Variants in RNLS observed in about 807,000 individuals in gnomAD.
The protein encoded by RNLS is renalase, FAD dependent amine oxidase.
Under a neutral mutation model 39.8 loss-of-function variants are expected in RNLS, and 39 were observed. That is an observed-to-expected ratio of 0.98 (90% CI 0.76 to 1.28). The LOEUF is 1.28. RNLS is among the 50% of genes most tolerant of loss of function. The pLI is 0.00. For synonymous variants in RNLS, 147 were observed against 150.7 expected (o/e 0.98, Z 0.18); for missense variants, 410 against 413.3 (o/e 0.99, Z 0.07).
At chr10:88,427,151 C>T (rs1266253160) in intron 4 of RNLS, among the ~76,000 whole-genome samples, 1 of 151,992 alleles carries the variant, frequency 6.6e-6, no homozygotes, top group East Asian at 1.9e-4. Context: ...TATCACAATT[C>T]ACACAGTTAG....
At chr10:88,448,575 T>TG (rs1842180109) in intron 4 of RNLS, among the ~76,000 whole-genome samples, 1 of 152,228 alleles carries the variant, frequency 6.6e-6, no homozygotes, top group Admixed American at 6.5e-5. Flanking sequence ...GTTCAACCAT[T>TG]GTGGAAGACA....
chr10:88,290,594 TAATAG>T (rs2132876895), intron 6 of RNLS, among the ~76,000 whole-genome samples: 1 of 152,326 alleles, frequency 6.6e-6, no homozygotes, highest in East Asian at 1.9e-4. Flanking sequence ...ATTTTATACT[TAATAG>T]AAAAGTTCTT....
intron 4 of RNLS, among the ~76,000 whole-genome samples, chr10:88,441,399 C>T (rs1218755019): frequency 3.3e-5 from 5 of 152,160 alleles, no homozygotes; most frequent in Non-Finnish European, 5.9e-5. Context: ...GAGAGGAACA[C>T]ATTATTGTGC....
At chr10:88,563,381 T>C (rs1849301355) in intron 4 of RNLS, among the ~76,000 whole-genome samples, 1 of 152,166 alleles carries the variant, frequency 6.6e-6, no homozygotes, top group South Asian at 2.1e-4. Context: ...TGTTATACTG[T>C]AAATCTCCTA....
Position 88,285,094 on chromosome 10 carries a change from A to T in RNLS, c.*260T>A. ...GAGAGTCGTTTGTTATTTTTTAAGT[A>T]CCACTTTTCCTCCAACAAGGAGTAG... On this transcript the variant is annotated 3_prime_UTR_variant, in exon 7 of 7. Transcript: ENST00000331772. 5 of 998,256 alleles carry T rather than the reference A, an allele frequency of 5.0e-6. No homozygotes were observed. The highest frequency in any genetic ancestry group is 4.8e-6 in the Non-Finnish European group (4 of 836,840). The allele number at this position is 998,256 out of a possible 1,614,324, so 61.8% of individuals were successfully genotyped here. A position where few individuals can be genotyped will look rare whatever the true frequency, so the allele number is the denominator to read the frequency against.
intron 5 of RNLS, among the ~76,000 whole-genome samples, chr10:88,326,172 T>C (rs1331424778): frequency 6.6e-6 from 1 of 152,168 alleles, no homozygotes; most frequent in Non-Finnish European, 1.5e-5. Flanking sequence ...GATACAAAAA[T>C]ACCTGAAAAT....
chr10:88,228,853 T>C, the RNLS span, among the ~76,000 whole-genome samples: 1 of 152,222 alleles, frequency 6.6e-6, no homozygotes, highest in African/African-American at 2.4e-5. Flanking sequence ...TCCCTCATCC[T>C]TTTATACAGA....
intron 4 of RNLS, among the ~76,000 whole-genome samples, chr10:88,475,783 A>G (rs1843789060): frequency 6.6e-6 from 1 of 152,200 alleles, no homozygotes; most frequent in Non-Finnish European, 1.5e-5. Context: ...AAGAAAATAC[A>G]AAATCCATGA....
In RNLS at chr10:88,498,546, T is replaced by A. The variant is rs116412431; in HGVS notation, c.526+74357A>T. Among the ~76,000 whole-genome samples the A allele has an allele frequency of 3.8e-3, 565 of 148,470 alleles. 5 individuals carry two copies. Among genetic ancestry groups the A allele is most frequent in the African/African-American group, 0.013 (538 of 40,048 alleles). On this transcript the variant is annotated intron_variant, in intron 4 of 6. Transcript: ENST00000331772. ...TGGTGAAATTTGAATAAGGTCTGCA[T>A]ACTAGATAATAATATTGTAATTATG...
At chr10:88,188,350 C>G in the RNLS span, among the ~76,000 whole-genome samples, 1 of 152,246 alleles carries the variant, frequency 6.6e-6, no homozygotes. Context: ...AGCCACCACA[C>G]CTGACCTCAG....
chr10:88,577,251 C>T (rs1205434695), intron 3 of RNLS, among the ~76,000 whole-genome samples: 2 of 152,012 alleles, frequency 1.3e-5, no homozygotes, highest in Admixed American at 6.5e-5. Flanking sequence ...CACGTAGCAC[C>T]AGGTGGGATG....
intron 5 of RNLS, chr10:88,343,404 G>A (rs1009099882): frequency 7.5e-6 from 3 of 399,948 alleles, no homozygotes; most frequent in African/African-American, 6.5e-5. Context: ...CTAGGAGATT[G>A]GTGGCTCCAT....
At chr10:88,500,652 A>T (rs1449040474) in intron 4 of RNLS, among the ~76,000 whole-genome samples, 1 of 152,180 alleles carries the variant, frequency 6.6e-6, no homozygotes, top group Non-Finnish European at 1.5e-5. Flanking sequence ...TATTGGGTTG[A>T]TGCAAAAGTA....
chr10:88,455,500 G>A (rs183376898), intron 4 of RNLS, among the ~76,000 whole-genome samples: 40 of 152,098 alleles, frequency 2.6e-4, no homozygotes, highest in East Asian at 2.5e-3. Flanking sequence ...TCCACCTCCC[G>A]GGTTCACGCC....
At chr10:88,424,086 G>T (rs1259735909) in intron 4 of RNLS, among the ~76,000 whole-genome samples, 1 of 152,092 alleles carries the variant, frequency 6.6e-6, no homozygotes, top group African/African-American at 2.4e-5. Flanking sequence ...TCATGGCTTT[G>T]ATTACCACAT....
intron 5 of RNLS, among the ~76,000 whole-genome samples, chr10:88,318,217 AT>A (rs1340826719): frequency 1.3e-5 from 2 of 152,296 alleles, no homozygotes; most frequent in Non-Finnish European, 2.9e-5. Context: ...TCTGGCAAAC[AT>A]GGGGCTGTTG....
chr10:88,421,538 C>T (rs1346229261), intron 4 of RNLS, among the ~76,000 whole-genome samples: 1 of 152,168 alleles, frequency 6.6e-6, no homozygotes, highest in Non-Finnish European at 1.5e-5. Flanking sequence ...TGTGTGCTGT[C>T]TACAAGTCTG....
intron 5 of RNLS, among the ~76,000 whole-genome samples, chr10:88,326,994 A>G (rs1846666177): frequency 6.6e-6 from 1 of 152,088 alleles, no homozygotes; most frequent in African/African-American, 2.4e-5. Flanking sequence ...TAACCCCTTT[A>G]TTTTGGCCAA....
the RNLS span, among the ~76,000 whole-genome samples, chr10:88,224,727 A>T: frequency 8.5e-5 from 13 of 152,170 alleles, no homozygotes; most frequent in African/African-American, 3.1e-4. Flanking sequence ...GTTAATAGGG[A>T]TCTCTTTATT....
Sources: gnomAD v4.1 joint callset for allele counts (sites outside exome capture counted in the v4.1 genomes callset) on GRCh38, gnomAD v4.1.1 for gene constraint, MANE v1.5 for transcripts, NCBI Gene and HGNC (gene_info 2026-07-23, HGNC 2026-07-21) for gene names.